Variants in ECM2 observed in about 807,000 individuals in gnomAD.
ECM2 encodes extracellular matrix protein 2, female organ and adipocyte specific.
ECM2 carries 57 observed loss-of-function variants against 67.5 expected under a neutral mutation model. The ratio of observed to expected loss-of-function variants is 0.84; its 90% CI spans 0.68 to 1.05. The LOEUF (loss-of-function observed/expected upper bound fraction) is 1.05, where lower values mean the gene tolerates loss of function less well. Ranked by LOEUF, ECM2 falls within the 50% of genes least tolerant of loss-of-function variation. The pLI is 0.00. For synonymous variants in ECM2, 258 were observed against 294.5 expected, an observed-to-expected ratio of 0.88 and a Z score of 1.27; for missense variants, 741 against 822.8, an observed-to-expected ratio of 0.90 and a Z score of 1.22.
At chr9:92,531,417 G>A (rs1196749097) in intron 1 of ECM2, among the ~76,000 whole-genome samples, 2 of 152,080 alleles carry the variant, frequency 1.3e-5, no homozygotes, top group Non-Finnish European at 1.5e-5. Context: ...TTCTGTTTCA[G>A]TTCTGTGTTT....
upstream of ECM2, chr9:92,536,014 A>T (rs1275055945): frequency 2.0e-6 from 1 of 510,724 alleles, no homozygotes; most frequent in Admixed American, 2.0e-5. Flanking sequence ...AGCTTTCTTT[A>T]AAAACAAAGA....
chr9:92,502,831 A>G (rs2131159531), intron 7 of ECM2, among the ~76,000 whole-genome samples, 179 bp from the exon 8 acceptor site: 1 of 131,310 alleles, frequency 7.6e-6, no homozygotes, highest in Non-Finnish European at 1.6e-5. Flanking sequence ...TTTTTGAGAC[A>G]GGGTCTCACT....
At position 92,495,937 on chromosome 9, in the gene ECM2, A is replaced by G; in HGVS notation, c.*378T>C. 1.0e-6 allele frequency: 1 copy of G among 986,244 alleles called. No homozygotes were observed. The highest frequency in any genetic ancestry group is 4.7e-5 in the South Asian group (1 of 21,294). 61.1% of individuals were successfully genotyped at this position (986,244 alleles called of 1,614,324 possible). On this transcript the variant is annotated 3_prime_UTR_variant, in exon 10 of 10. Transcript: ENST00000344604. Reference sequence around the variant, plus strand: ...TTGTCATTATGCTTCTTAATCTTGAACCAAAAGATACATAATTTTTAAAGG... The same window carrying G: ...TTGTCATTATGCTTCTTAATCTTGAGCCAAAAGATACATAATTTTTAAAGG...
At chr9:92,524,206 G>A (rs1383995332) in intron 1 of ECM2, among the ~76,000 whole-genome samples, 2 of 152,188 alleles carry the variant, frequency 1.3e-5, no homozygotes, top group South Asian at 2.1e-4. Flanking sequence ...GGGGAAGGGC[G>A]TGATGGTGCC....
rs764812951 is a variant in ECM2 at position 92,514,778 on chromosome 9, G to C, written c.907C>G (p.Arg303Gly). 1 of 1,614,008 alleles carries C rather than the reference G, an allele frequency of 6.2e-7. No individual in the cohort carries two copies. Among genetic ancestry groups the C allele is most frequent in the African/African-American group, 1.3e-5 (1 of 74,976 alleles). Residue 303 changes from arginine (R) to glycine (G), a missense_variant, in exon 4 of 10, where the codon CGA (arginine) becomes GGA (glycine). Coordinates refer to ENST00000344604, the MANE Select transcript of ECM2 (RefSeq NM_001393.4). ...CTGGGAGGAGCAGGAAGCGGGGATCGAGAGGGCATTCGGAACATATCTCCT... is the reference window on the plus strand; with the variant it reads ...CTGGGAGGAGCAGGAAGCGGGGATCCAGAGGGCATTCGGAACATATCTCCT... ...VRGDMFRMPSRSPLPAPPRGT... is the reference protein window; with the variant it reads ...VRGDMFRMPSGSPLPAPPRGT...
intron 1 of ECM2, among the ~76,000 whole-genome samples, chr9:92,524,239 CA>C (rs1241557642): frequency 3.5e-4 from 53 of 152,252 alleles, no homozygotes; most frequent in African/African-American, 1.2e-3. Context: ...CAGTCAATAG[CA>C]TCAGTTATAA....
chr9:92,548,441 C>T, the ECM2 span, among the ~76,000 whole-genome samples: 1 of 152,108 alleles, frequency 6.6e-6, no homozygotes, highest in South Asian at 2.1e-4. Context: ...CCCATACTTG[C>T]CAGGATATTA....
chr9:92,501,343 C>G (rs1485501853), intron 8 of ECM2, among the ~76,000 whole-genome samples: 1 of 152,110 alleles, frequency 6.6e-6, no homozygotes, highest in African/African-American at 2.4e-5. Context: ...TACTGAGGCC[C>G]AAAGACTAAA....
the ECM2 span, among the ~76,000 whole-genome samples, chr9:92,554,677 A>G: frequency 6.7e-6 from 1 of 149,350 alleles, no homozygotes; most frequent in East Asian, 2.0e-4. Flanking sequence ...TTGATCTGTC[A>G]CCCAGGCTGG....
chr9:92,500,437 C>T (rs1588186883), intron 9 of ECM2, among the ~76,000 whole-genome samples: 1 of 152,218 alleles, frequency 6.6e-6, no homozygotes, highest in Non-Finnish European at 1.5e-5. Context: ...CCCGCCTTGG[C>T]GTCCCAAAGT....
At chr9:92,512,261 A>C (rs1167117289) in intron 4 of ECM2, 135 bp from the exon 5 acceptor site, 9 of 486,208 alleles carry the variant, frequency 1.9e-5, no homozygotes, top group Admixed American at 4.0e-5. Context: ...CAAGGACAGA[A>C]TATATATTAT....
At chr9:92,517,314 G>A (rs1472564572) in intron 3 of ECM2, 1 of 300,030 alleles carries the variant, frequency 3.3e-6, no homozygotes, top group Non-Finnish European at 6.2e-6. Flanking sequence ...AGATGATAAA[G>A]GCACGTTGCA....
chr9:92,524,713 A>G (rs1005682575), intron 1 of ECM2, among the ~76,000 whole-genome samples: 1 of 152,218 alleles, frequency 6.6e-6, no homozygotes, highest in Non-Finnish European at 1.5e-5. Context: ...CCCAGGGATC[A>G]TAAGAACCCA....
At chr9:92,551,937 A>G in the ECM2 span, among the ~76,000 whole-genome samples, 37 of 98,280 alleles carry the variant, frequency 3.8e-4, 3 homozygotes, top group African/African-American at 2.0e-3. Flanking sequence ...ATATATATAT[A>G]TATATATATA....
intron 1 of ECM2, among the ~76,000 whole-genome samples, chr9:92,525,123 G>C (rs1427915747): frequency 6.6e-6 from 1 of 152,112 alleles, no homozygotes; most frequent in Non-Finnish European, 1.5e-5. Context: ...TTTAAGACCA[G>C]AGTAAGGAAC....
chr9:92,497,580 C>T (rs955131647), intron 9 of ECM2, among the ~76,000 whole-genome samples: 5 of 150,394 alleles, frequency 3.3e-5, no homozygotes, highest in African/African-American at 1.2e-4. Context: ...GCTGAGATCA[C>T]GCCGTTGCAC....
chr9:92,555,803 A>T, the ECM2 span, among the ~76,000 whole-genome samples: 2 of 152,038 alleles, frequency 1.3e-5, no homozygotes. Context: ...AATCTTGCTA[A>T]TGGTCTATCA....
At chr9:92,529,851 C>T (rs1014626576) in intron 1 of ECM2, among the ~76,000 whole-genome samples, 2 of 152,166 alleles carry the variant, frequency 1.3e-5, no homozygotes, top group African/African-American at 4.8e-5. Flanking sequence ...TGAAACTCTT[C>T]TGATACAGTA....
chr9:92,543,437 T>C, the ECM2 span, among the ~76,000 whole-genome samples: 1 of 121,444 alleles, frequency 8.2e-6, no homozygotes, highest in African/African-American at 3.3e-5. Context: ...TCACCACTGC[T>C]CTCCAGCCTG....
Sources: allele counts gnomAD v4.1 joint callset (sites outside exome capture counted in the v4.1 genomes callset), GRCh38; gene constraint gnomAD v4.1.1; transcripts MANE v1.5; gene names NCBI Gene and HGNC (gene_info 2026-07-23, HGNC 2026-07-21).